CELA3B: variants seen among roughly 807,000 people sequenced by gnomAD.
The protein encoded by CELA3B is chymotrypsin like elastase 3B.
In CELA3B, 34 loss-of-function variants were observed where a neutral mutation model predicts 37.2. The observed-to-expected ratio is 0.91, with a 90% CI of 0.70 to 1.22. CELA3B has a LOEUF of 1.22. Ranked by LOEUF, CELA3B falls within the 50% of genes most tolerant of loss-of-function variation. The pLI is 0.00. For synonymous variants in CELA3B, 127 were observed against 143.5 expected (o/e 0.89, Z 0.82); for missense variants, 340 against 363.1 (o/e 0.94, Z 0.52).
intron 2 of CELA3B, among the ~76,000 whole-genome samples, chr1:21,978,976 G>A (rs1644787942): frequency 6.6e-6 from 1 of 151,698 alleles, no homozygotes; most frequent in South Asian, 2.1e-4. Context: ...GGACCCAGGA[G>A]GTGGAGGTTG....
At position 21,983,724 on chromosome 1, in the gene CELA3B, C is replaced by A. The variant is rs1308800287; in HGVS notation, c.393C>A (p.Arg131=). ...ACATCGCCCTCATCAAGCTCTCACG[C>A]AGCGCCCAGCTGGGAGACGCCGTCC... ...GNDIALIKLS[R]SAQLGDAVQL... Residue 131 remains arginine (R), a synonymous_variant, in exon 5 of 8, where the codon CGC becomes CGA. Coordinates refer to ENST00000337107, the MANE Select transcript of CELA3B (RefSeq NM_007352.4). The A allele has an allele frequency of 6.2e-7, 1 of 1,614,024 alleles. No individual in the cohort carries two copies. Among genetic ancestry groups the A allele is most frequent in the Non-Finnish European group, 8.5e-7 (1 of 1,180,034 alleles).
chr1:21,997,470 C>G lies in CELA3B; in HGVS notation c.505-681C>G, dbSNP rs979036197. On this transcript the variant is annotated intron_variant, in intron 4 of 4. Transcript: ENST00000400277. ...TGGGAGGCCAAGGTGGGTGGATCACCTGAGGTTAGGAGTTTGAGAACAGCC... is the reference window on the plus strand; with the variant it reads ...TGGGAGGCCAAGGTGGGTGGATCACGTGAGGTTAGGAGTTTGAGAACAGCC... Among the ~76,000 whole-genome samples the G allele has an allele frequency of 5.0e-4, 75 of 150,364 alleles. 1 individual carries two copies. Among genetic ancestry groups the G allele is most frequent in the Non-Finnish European group, 9.0e-4 (61 of 67,820 alleles).
At chr1:21,982,211 A>G (rs12049408) in intron 4 of CELA3B, among the ~76,000 whole-genome samples, 82,543 of 151,964 alleles carry the variant, frequency 0.54, 23,659 homozygotes, top group Middle Eastern at 0.74. Flanking sequence ...GACCCAGACA[A>G]AAGGACTGGA....
At chr1:21,985,269 C>G (rs891528827) in intron 6 of CELA3B, among the ~76,000 whole-genome samples, 7 of 129,916 alleles carry the variant, frequency 5.4e-5, no homozygotes, top group African/African-American at 2.0e-4. Flanking sequence ...GGCGACAGAG[C>G]AAGATGTTGT....
intron 2 of CELA3B, among the ~76,000 whole-genome samples, chr1:21,979,047 C>CAA (rs35551957): frequency 8.1e-5 from 12 of 148,854 alleles, no homozygotes; most frequent in South Asian, 6.5e-4. Flanking sequence ...GACTCTGTCT[C>CAA]AAAAAAAAAT....
At position 21,981,119 on chromosome 1, in the gene CELA3B, C is replaced by T. The variant is rs1267226278; in HGVS notation, c.309C>T (p.Asn103=). 6.2e-7 allele frequency: 1 copy of T among 1,613,130 alleles called. No individual in the cohort carries two copies. Among genetic ancestry groups the T allele is most frequent in the South Asian group, 1.1e-5 (1 of 91,018 alleles). The change falls in exon 4 of 8, where the codon AAC becomes AAT. Residue 103 remains asparagine, a synonymous_variant. Transcript: ENST00000337107. ...GCCCCGAGCAGGTGATCCCCATCAA[C>T]TCTGGGGACCTCTTTGTGCATCCAC... ...KEGPEQVIPI[N]SGDLFVHPLW... is the part of the protein sequence containing the mutation.
chr1:21,983,354 CA>C (rs11288635), intron 4 of CELA3B, among the ~76,000 whole-genome samples: 132,462 of 146,960 alleles, frequency 0.9, 60,429 homozygotes, highest in Non-Finnish European at 0.97. Flanking sequence ...GACTCTGACT[CA>C]AAAAAAAAAA....
chr1:21,988,845 G>C (rs1275003575), intron 7 of CELA3B, among the ~76,000 whole-genome samples: 1 of 151,796 alleles, frequency 6.6e-6, no homozygotes, highest in Admixed American at 6.6e-5. Context: ...AGCTGAGATT[G>C]TGCCACTGCA....
At chr1:21,988,694 A>C (rs1389137093) in intron 7 of CELA3B, among the ~76,000 whole-genome samples, 3 of 151,586 alleles carry the variant, frequency 2.0e-5, no homozygotes, top group African/African-American at 7.3e-5. Flanking sequence ...GATTGAGACC[A>C]TCCTGGCTAA....
chr1:21,986,445 G>A, intron 6 of CELA3B, 86 bp from the exon 7 acceptor site: 2 of 1,540,574 alleles, frequency 1.3e-6, no homozygotes, highest in South Asian at 1.2e-5. Flanking sequence ...GGTAATGTCG[G>A]AGTTTCTCGA....
chr1:21,988,707 A>T (rs1305526496), intron 7 of CELA3B, among the ~76,000 whole-genome samples: 4 of 151,590 alleles, frequency 2.6e-5, no homozygotes, highest in Non-Finnish European at 5.9e-5. Context: ...CTGGCTAACA[A>T]GGTGAAACCC....
intron 2 of CELA3B, among the ~76,000 whole-genome samples, chr1:21,979,350 G>T (rs1424418538): frequency 1.3e-5 from 2 of 151,914 alleles, no homozygotes; most frequent in African/African-American, 4.8e-5. Flanking sequence ...GGGATTACAG[G>T]TGTGAGTCAC....
downstream of CELA3B, among the ~76,000 whole-genome samples, chr1:21,990,882 C>A (rs1569853055): frequency 3.4e-5 from 2 of 58,226 alleles, no homozygotes; most frequent in South Asian, 6.4e-4. Flanking sequence ...GGGCACAGAG[C>A]AAGACTCTGT....
rs1368971520 is a variant in CELA3B, at chr1:21,994,722, A to G, written c.505-3429A>G. Among the ~76,000 whole-genome samples the G allele has an allele frequency of 2.6e-5, 4 of 151,130 alleles. 1 individual carries two copies. Among genetic ancestry groups the G allele is most frequent in the East Asian group, 3.9e-4 (2 of 5,086 alleles). The stretch of plus-strand genomic sequence containing the variant: ...GACTGTACATTTCCTAGTTGTGGCC[A>G]GGCATGGTGGCTCAGATCTGTAATC... On this transcript the variant is annotated intron_variant, in intron 4 of 4. Coordinates refer to the CELA3B transcript ENST00000400277.
At chr1:21,996,484 A>G (rs1376032846) in intron 4 of CELA3B, among the ~76,000 whole-genome samples, 1 of 151,216 alleles carries the variant, frequency 6.6e-6, no homozygotes, top group African/African-American at 2.4e-5. Flanking sequence ...GCCTAAAATA[A>G]GGGGAGGCAT....
At position 21,978,473 on chromosome 1, in the gene CELA3B, G is replaced by T. The variant is rs1384354484; in HGVS notation, c.129+19G>T. On this transcript the variant is annotated intron_variant, in intron 2 of 7. Transcript: ENST00000337107. ...CTGGCAGGTAAGAGCAATAGCAGCTGCCCTCATTCCCACCGTGGGCTCTGG... is the reference window on the plus strand; with the variant it reads ...CTGGCAGGTAAGAGCAATAGCAGCTTCCCTCATTCCCACCGTGGGCTCTGG... The T allele has an allele frequency of 6.2e-7, 1 of 1,613,492 alleles. No homozygotes were observed. Among genetic ancestry groups the T allele is most frequent in the Non-Finnish European group, 8.5e-7 (1 of 1,179,534 alleles).
chr1:21,987,582 A>G, intron 7 of CELA3B: 1 of 151,884 alleles, frequency 6.6e-6, no homozygotes, highest in Middle Eastern at 3.4e-3. Context: ...CGCTATACCC[A>G]TCTGGTTCTG....
intron 6 of CELA3B, among the ~76,000 whole-genome samples, chr1:21,985,877 C>A (rs111766277): frequency 1.3e-5 from 2 of 150,878 alleles, no homozygotes; most frequent in African/African-American, 4.9e-5. Flanking sequence ...GGCGACAGAG[C>A]GAGACACTGA....
At chr1:21,989,390 C>T (rs999403942), downstream of CELA3B, 4 of 846,382 alleles carry the variant, frequency 4.7e-6, no homozygotes, top group East Asian at 5.3e-5. Context: ...TCACCTCTTC[C>T]CCTCTGGCCT....
Sources: allele counts gnomAD v4.1 joint callset (sites outside exome capture counted in the v4.1 genomes callset), GRCh38; gene constraint gnomAD v4.1.1; transcripts MANE v1.5; gene names NCBI Gene and HGNC (gene_info 2026-07-23, HGNC 2026-07-21).